Variants in DAPK2 observed in about 807,000 individuals in gnomAD.
DAPK2 encodes death-associated protein kinase 2.
In DAPK2, 35 loss-of-function variants were observed where a neutral mutation model predicts 44.1. The ratio of observed to expected loss-of-function variants is 0.79; its 90% confidence interval spans 0.61 to 1.05. The LOEUF is 1.05. DAPK2 is among the 50% of genes least tolerant of loss of function. The pLI is 0.00. For missense variants in DAPK2, 453 were observed against 483.2 expected (o/e 0.94, Z 0.59); for synonymous variants, 174 against 182.6 (o/e 0.95, Z 0.38).
At chr15:63,913,152 C>T (rs2078840022) in intron 8 of DAPK2, among the ~76,000 whole-genome samples, 1 of 152,022 alleles carries the variant, frequency 6.6e-6, no homozygotes, top group Admixed American at 6.5e-5. Flanking sequence ...CCAGAACAGA[C>T]ATATCCGTAG....
Position 63,908,688 on chromosome 15 carries a change from A to T in DAPK2, c.1033-88T>A. 8.9e-7 allele frequency: 1 copy of T among 1,122,714 alleles called. No homozygotes were observed. Among genetic ancestry groups the T allele is most frequent in the Non-Finnish European group, 1.2e-6 (1 of 814,476 alleles). 69.5% of individuals were successfully genotyped at this position (1,122,714 alleles called of 1,614,324 possible). On this transcript the variant is annotated intron_variant, in intron 10 of 10. Coordinates refer to ENST00000261891, the Ensembl canonical transcript of DAPK2. This position sits in a 1 kb window ranked among gnomAD's most constrained non-coding sequence, Gnocchi z 5.7. ...TGTGCTGGGCAACCTGGGTTGATTCACCTGGACCACGGGACTACAAGCCAG... is the reference window on the plus strand; with the variant it reads ...TGTGCTGGGCAACCTGGGTTGATTCTCCTGGACCACGGGACTACAAGCCAG...
At chr15:64,019,539 A>C (rs1347300546) in intron 1 of DAPK2, among the ~76,000 whole-genome samples, 1 of 152,256 alleles carries the variant, frequency 6.6e-6, no homozygotes, top group Non-Finnish European at 1.5e-5. Context: ...TGTCCTTTTC[A>C]GATTATAAAA....
chr15:63,939,192 C>A lies in DAPK2; in HGVS notation c.583+40G>T, dbSNP rs778067790. 3 of 1,609,164 alleles carry A rather than the reference C, an allele frequency of 1.9e-6. No individual in the cohort carries two copies. In the Admixed American group the frequency reaches 5.1e-5, roughly 27 times the overall value. ...CTTCCCAGGATCCCTACCTTTGATG[C>A]CAGATTCTTAGCTGAAAGACAAACA... On this transcript the variant is annotated intron_variant, in intron 4 of 10. Transcript: ENST00000261891. This position sits in a 1 kb window ranked among gnomAD's most constrained non-coding sequence, Gnocchi z 4.3.
chr15:63,913,316 C>G (rs1229997098), intron 8 of DAPK2, among the ~76,000 whole-genome samples: 2 of 152,166 alleles, frequency 1.3e-5, no homozygotes, highest in Non-Finnish European at 2.9e-5. Flanking sequence ...CTAAAAACCA[C>G]TGAACTGTAC....
intron 4 of DAPK2, among the ~76,000 whole-genome samples, chr15:63,933,470 T>G (rs1255760172): frequency 2.0e-5 from 3 of 152,202 alleles, no homozygotes; most frequent in Admixed American, 2.0e-4. Flanking sequence ...CTCAAACTCC[T>G]GACCTCAGGT....
chr15:63,947,332 A>AAAACCCC (rs56705153), intron 3 of DAPK2, among the ~76,000 whole-genome samples: 67,775 of 151,412 alleles, frequency 0.45, 16,971 homozygotes, highest in East Asian at 0.96. Context: ...CCACTATACT[A>AAAACCCC]AAACCCCATA....
chr15:64,039,262 G>A (rs937167452), intron 1 of DAPK2, among the ~76,000 whole-genome samples: 4 of 152,260 alleles, frequency 2.6e-5, no homozygotes, highest in Admixed American at 2.6e-4. Context: ...GCTGCGCTGT[G>A]TGTGAAGGGG....
At position 64,024,735 on chromosome 15, in the gene DAPK2, T is replaced by C. The variant is rs78604575; in HGVS notation, c.92+15435A>G. Among the ~76,000 whole-genome samples the C allele has an allele frequency of 6.5e-3, 983 of 152,178 alleles. 6 individuals carry two copies. Among genetic ancestry groups the C allele is most frequent in the African/African-American group, 0.016 (665 of 41,518 alleles). On this transcript the variant is annotated intron_variant, in intron 1 of 10. Coordinates refer to ENST00000261891, the Ensembl canonical transcript of DAPK2. ...ATCTTGTCTCTTAGCCTGCAAAACA[T>C]AGACAGGGAGGAATGCTTCACCAAC...
At chr15:63,962,258 G>T (rs781246467) in intron 3 of DAPK2, among the ~76,000 whole-genome samples, 1 of 152,072 alleles carries the variant, frequency 6.6e-6, no homozygotes, top group Admixed American at 6.6e-5. Context: ...CTTTTTTCAA[G>T]GTTTTTAGCT....
chr15:63,944,382 G>C (rs2077396691), intron 3 of DAPK2, among the ~76,000 whole-genome samples: 1 of 152,110 alleles, frequency 6.6e-6, no homozygotes, highest in Non-Finnish European at 1.5e-5. Context: ...AGGCCACCAA[G>C]GTACCTATAG....
chr15:63,950,923 G>A (rs2077569528), intron 3 of DAPK2, among the ~76,000 whole-genome samples: 1 of 152,190 alleles, frequency 6.6e-6, no homozygotes, highest in Admixed American at 6.5e-5. Flanking sequence ...ATGACAGCTT[G>A]GCCAGCAGAC....
At position 63,939,088 on chromosome 15, in the gene DAPK2, T is replaced by G; in HGVS notation, c.583+144A>C. The G allele has an allele frequency of 7.0e-7, 1 of 1,426,778 alleles. No individual in the cohort carries two copies. Among genetic ancestry groups the G allele is most frequent in the Non-Finnish European group, 9.3e-7 (1 of 1,069,760 alleles). 88.4% of individuals were successfully genotyped at this position (1,426,778 alleles called of 1,614,324 possible). On this transcript the variant is annotated intron_variant, in intron 4 of 10. Coordinates refer to ENST00000261891, the Ensembl canonical transcript of DAPK2. This position sits in a 1 kb window ranked among gnomAD's most constrained non-coding sequence, Gnocchi z 4.3. ...TCCCCAGGCCCAATAAGACATTTCC[T>G]TCCCCACCCATTAGGTTTCTAGAGA... is the stretch of plus-strand genomic sequence containing the variant.
chr15:63,994,640 A>T (rs1352170044), intron 1 of DAPK2, among the ~76,000 whole-genome samples: 1 of 130,178 alleles, frequency 7.7e-6, no homozygotes, highest in African/African-American at 3.0e-5. Flanking sequence ...CCCAGGCTGG[A>T]GTGCAATGGC....
intron 1 of DAPK2, among the ~76,000 whole-genome samples, chr15:63,989,185 C>T (rs2078748194): frequency 1.5e-5 from 1 of 67,416 alleles, no homozygotes; most frequent in East Asian, 4.6e-4. Context: ...GAGACTTTGT[C>T]TCCAAAAAAA....
At chr15:63,984,813 G>A (rs1366981539) in intron 1 of DAPK2, among the ~76,000 whole-genome samples, 1 of 152,158 alleles carries the variant, frequency 6.6e-6, no homozygotes, top group Non-Finnish European at 1.5e-5. Context: ...TACATACAGG[G>A]AAATGCCTGG....
At chr15:63,954,159 T>G (rs2077661817) in intron 3 of DAPK2, among the ~76,000 whole-genome samples, 1 of 152,216 alleles carries the variant, frequency 6.6e-6, no homozygotes, top group African/African-American at 2.4e-5. Flanking sequence ...TTTAACTTGA[T>G]GTGATCCCAT....
At chr15:64,022,472 TGACTACTTCCG>T (rs2079713340) in intron 1 of DAPK2, among the ~76,000 whole-genome samples, 1 of 152,222 alleles carries the variant, frequency 6.6e-6, no homozygotes, top group African/African-American at 2.4e-5. Context: ...TTGTGCATGG[TGACTACTTCCG>T]TAAAGAACTG....
Position 63,945,579 on chromosome 15 carries a change from C to T in DAPK2, c.454-6218G>A, listed in dbSNP as rs1178430355. 5.3e-5 allele frequency among the ~76,000 whole-genome samples: 8 copies of T among 152,276 alleles called. No individual in the cohort carries two copies. In the East Asian group the frequency reaches 1.2e-3, roughly 22 times the overall value. ...AGTGGCAGTTCCCCAGGAATTTGGT[C>T]TAAGCTTCTCTGCTTCCACCCTCCC... On this transcript the variant is annotated intron_variant, in intron 3 of 10. Transcript: ENST00000261891.
At chr15:63,930,352 G>C (rs1595731718) in intron 5 of DAPK2, 55 bp downstream of exon 6, 1 of 1,538,996 alleles carries the variant, frequency 6.5e-7, no homozygotes, top group East Asian at 2.2e-5. Flanking sequence ...CAGGATCTGA[G>C]GCCTTCCGCC....
Sources: gnomAD v4.1 joint callset for allele counts (sites outside exome capture counted in the v4.1 genomes callset) on GRCh38, gnomAD v4.1.1 for gene constraint, Gnocchi (gnomAD v3.1) non-coding constraint, MANE v1.5 for transcripts, NCBI Gene and HGNC (gene_info 2026-07-23, HGNC 2026-07-21) for gene names.